NTRK2: variants seen among roughly 807,000 people sequenced by gnomAD.
NTRK2 encodes neurotrophic receptor tyrosine kinase 2.
Under a neutral mutation model 94.5 loss-of-function variants are expected in NTRK2, and 13 were observed. The observed-to-expected ratio is 0.14, with a 90% CI of 0.09 to 0.22. The LOEUF (loss-of-function observed/expected upper bound fraction) is 0.22, where lower values mean the gene tolerates loss of function less well. Among genes scored for constraint, NTRK2 ranks in the 10% least tolerant of loss-of-function variants. The pLI is 1.00. For missense variants in NTRK2, 639 were observed against 1,071.2 expected (o/e 0.60, Z 5.63); for synonymous variants, 372 against 407.4 (o/e 0.91, Z 1.05).
chr9:84,722,721 G>A (rs1360635281), intron 6 of NTRK2, among the ~76,000 whole-genome samples: 1 of 152,152 alleles, frequency 6.6e-6, no homozygotes, highest in African/African-American at 2.4e-5. Context: ...CAGTTGGTGT[G>A]ATAATTTCAT....
intron 14 of NTRK2, chr9:84,872,995 T>A (rs1004998268): frequency 1.0e-5 from 11 of 1,063,776 alleles, no homozygotes; most frequent in African/African-American, 1.6e-5. Context: ...ATTTGCAACA[T>A]TACTTTGAGT....
Position 84,819,212 on chromosome 9 carries a change from TATC to T in NTRK2, c.1397-41822_1397-41820del, listed in dbSNP as rs901240334. ...CACGCTTCCATCTCTTTTTAAAAAT[TATC>T]ATCATGCTGTAATCAGTCTTGCTGA... On this transcript the variant is annotated intron_variant, in intron 12 of 18. Transcript: ENST00000277120. Among the ~76,000 whole-genome samples the T allele has an allele frequency of 1.2e-3, 186 of 152,310 alleles. 1 individual carries two copies. Among genetic ancestry groups the T allele is most frequent in the African/African-American group, 3.7e-3 (154 of 41,574 alleles).
At chr9:84,786,419 G>A (rs2068116871) in intron 12 of NTRK2, among the ~76,000 whole-genome samples, 2 of 152,020 alleles carry the variant, frequency 1.3e-5, no homozygotes, top group Admixed American at 1.3e-4. Flanking sequence ...TCCAAGCCTA[G>A]GCTTACAAAT....
chr9:84,673,362 A>G (rs1333934151), intron 2 of NTRK2, among the ~76,000 whole-genome samples: 1 of 152,202 alleles, frequency 6.6e-6, no homozygotes, highest in Non-Finnish European at 1.5e-5. Context: ...TCCAGTGGAT[A>G]CCAGCTACAG....
At position 84,742,502 on chromosome 9, in the gene NTRK2, A is replaced by G. The variant is rs369727467; in HGVS notation, c.1195+575A>G. Among the ~76,000 whole-genome samples the G allele has an allele frequency of 3.0e-4, 46 of 152,278 alleles. 1 individual carries two copies. The East Asian group carries it at 4.5e-3, about 15-fold the overall frequency. ...TGTGGCGGGGGAGCTGCTGCCATTCACAAGGATGGGAGAAAGGGAAGCGCT... is the reference window on the plus strand; with the variant it reads ...TGTGGCGGGGGAGCTGCTGCCATTCGCAAGGATGGGAGAAAGGGAAGCGCT... On this transcript the variant is annotated intron_variant, in intron 10 of 18. Transcript: ENST00000277120.
At chr9:84,899,787 G>C (rs796890569) in intron 14 of NTRK2, among the ~76,000 whole-genome samples, 1 of 152,176 alleles carries the variant, frequency 6.6e-6, no homozygotes, top group Non-Finnish European at 1.5e-5. Flanking sequence ...AATGAAAAAC[G>C]TGTCTGGATG....
intron 14 of NTRK2, among the ~76,000 whole-genome samples, chr9:84,926,172 T>TTCTTTCTC (rs2077793141): frequency 1.9e-5 from 1 of 53,704 alleles, no homozygotes; most frequent in African/African-American, 6.4e-5. Context: ...CTTCCTTCCT[T>TTCTTTCTC]TCTTTCTTTC....
intron 13 of NTRK2, among the ~76,000 whole-genome samples, chr9:84,862,317 G>A (rs911510864): frequency 6.6e-6 from 1 of 152,192 alleles, no homozygotes; most frequent in Non-Finnish European, 1.5e-5. Context: ...CTGTTTTACG[G>A]GTTTGATGTG....
intron 14 of NTRK2, chr9:84,874,281 T>A (rs2075984499): frequency 9.4e-7 from 1 of 1,065,400 alleles, no homozygotes; most frequent in Non-Finnish European, 1.1e-6. Context: ...GAGTGCTCCC[T>A]CTGGTTAAGT....
chr9:84,728,930 C>T (rs1564141260), intron 9 of NTRK2, among the ~76,000 whole-genome samples: 1 of 152,202 alleles, frequency 6.6e-6, no homozygotes, highest in African/African-American at 2.4e-5. Context: ...ATGTGGTGGC[C>T]AAGGCCTGTG....
intron 12 of NTRK2, among the ~76,000 whole-genome samples, chr9:84,857,105 G>GTT (rs11424631): frequency 7.3e-4 from 107 of 146,498 alleles, no homozygotes; most frequent in African/African-American, 2.3e-3. Flanking sequence ...TTGAAAAAGT[G>GTT]TTTTTTTTTT....
At chr9:84,929,736 A>G (rs1319785676) in intron 14 of NTRK2, among the ~76,000 whole-genome samples, 3 of 151,980 alleles carry the variant, frequency 2.0e-5, no homozygotes, top group South Asian at 2.1e-4. Flanking sequence ...TAATTTTTGT[A>G]GTTTTAATAG....
intron 2 of NTRK2, among the ~76,000 whole-genome samples, chr9:84,680,032 G>C (rs1417023838): frequency 6.6e-6 from 1 of 151,988 alleles, no homozygotes; most frequent in Non-Finnish European, 1.5e-5. Context: ...TGTTTTCTGT[G>C]ACCCCCAAGA....
At chr9:84,894,512 C>T (rs2076701140) in intron 14 of NTRK2, among the ~76,000 whole-genome samples, 4 of 152,086 alleles carry the variant, frequency 2.6e-5, no homozygotes, top group Admixed American at 2.6e-4. Context: ...AGGAAGATTC[C>T]CCCACCATAC....
chr9:84,698,981 G>A (rs551532380), intron 2 of NTRK2, among the ~76,000 whole-genome samples: 4 of 152,012 alleles, frequency 2.6e-5, no homozygotes, highest in African/African-American at 7.2e-5. Context: ...ATGACTACAC[G>A]TAGTAGCTTA....
chr9:84,722,460 G>A (rs1457669750), intron 6 of NTRK2, among the ~76,000 whole-genome samples: 1 of 152,100 alleles, frequency 6.6e-6, no homozygotes, highest in Non-Finnish European at 1.5e-5. Flanking sequence ...AGGTGGGTGG[G>A]TTAATTGCAA....
intron 17 of NTRK2, among the ~76,000 whole-genome samples, chr9:84,998,433 G>A (rs1421114945): frequency 2.6e-5 from 4 of 152,198 alleles, no homozygotes; most frequent in Non-Finnish European, 5.9e-5. Flanking sequence ...ACACCCACCT[G>A]TCTGGCTACC....
At chr9:84,873,834 A>G in intron 14 of NTRK2, 1 of 1,058,212 alleles carries the variant, frequency 9.4e-7, no homozygotes. Flanking sequence ...CCTAGAGGAA[A>G]CACTCCAGTC....
At chr9:84,751,820 C>T (rs1429828132) in intron 11 of NTRK2, among the ~76,000 whole-genome samples, 166 bp from the exon 12 acceptor site, 2 of 152,070 alleles carry the variant, frequency 1.3e-5, no homozygotes, top group African/African-American at 2.4e-5. Context: ...ATAGGGTTGT[C>T]GCAGATTAAG....
Sources: gnomAD v4.1 joint callset for allele counts (sites outside exome capture counted in the v4.1 genomes callset) on GRCh38, gnomAD v4.1.1 for gene constraint, MANE v1.5 for transcripts, NCBI Gene and HGNC (gene_info 2026-07-23, HGNC 2026-07-21) for gene names.